SUV39H2: variants seen among roughly 807,000 people sequenced by gnomAD.
SUV39H2 encodes the protein histone-lysine N-methyltransferase SUV39H2.
Under a neutral mutation model 47.5 loss-of-function variants are expected in SUV39H2, and 10 were observed. The observed-to-expected ratio is 0.21, with a 90% CI of 0.13 to 0.36. The LOEUF (loss-of-function observed/expected upper bound fraction) is 0.36. Ranked by LOEUF, SUV39H2 falls within the 10% of genes least tolerant of loss-of-function variation. SUV39H2 has a pLI of 1.00. For synonymous variants in SUV39H2, 159 were observed against 166.8 expected (o/e 0.95, Z 0.36); for missense variants, 266 against 487.4 (o/e 0.55, Z 4.28).
At chr10:14,901,937 C>G (rs1365770357) in intron 5 of SUV39H2, among the ~76,000 whole-genome samples, 4 of 152,084 alleles carry the variant, frequency 2.6e-5, no homozygotes, top group Admixed American at 1.3e-4. Flanking sequence ...CTACTTGAAC[C>G]TGGCTTTTAA....
chr10:14,888,743 T>A (rs905968647), intron 2 of SUV39H2, among the ~76,000 whole-genome samples: 3 of 152,118 alleles, frequency 2.0e-5, no homozygotes, highest in African/African-American at 7.2e-5. Flanking sequence ...AAGAATCCAC[T>A]GTATTTAGTA....
rs1047073927 is a variant in SUV39H2 at position 14,894,357 on chromosome 10, T to G, written c.178-2489T>G. On this transcript the variant is annotated intron_variant, in intron 2 of 5. Coordinates refer to ENST00000354919, the MANE Select transcript of SUV39H2 (RefSeq NM_001193424.2). ...ACCAATTTTCAAAAGAAAGCAAAGT[T>G]TTTTTTTTTTTTTTTTTTTTTTTTT... 1.0e-4 allele frequency among the ~76,000 whole-genome samples: 6 copies of G among 57,810 alleles called. 1 individual carries two copies. The East Asian group carries it at 2.7e-3, about 26-fold the overall frequency. The allele number at this position is 57,810 out of a possible 152,430, so 37.9% of individuals were successfully genotyped here.
chr10:14,887,631 C>T (rs1833254778), intron 2 of SUV39H2, among the ~76,000 whole-genome samples: 1 of 152,172 alleles, frequency 6.6e-6, no homozygotes, highest in African/African-American at 2.4e-5. Context: ...ATGCAGTTTC[C>T]TGTTCATGAA....
intron 2 of SUV39H2, 101 bp downstream of exon 2, chr10:14,881,746 T>C: frequency 1.8e-6 from 2 of 1,091,422 alleles, no homozygotes; most frequent in South Asian, 5.7e-5. Context: ...CTCTTCTTAA[T>C]GTTTAAAATT....
chr10:14,896,970 T>C lies in SUV39H2; in HGVS notation c.302T>C (p.Leu101Ser). 1.9e-6 allele frequency: 3 copies of C among 1,614,096 alleles called. No homozygotes were observed. Among genetic ancestry groups the C allele is most frequent in the Non-Finnish European group, 2.5e-6 (3 of 1,180,012 alleles). Residue 101 changes from leucine (L) to serine (S), a missense_variant, in exon 3 of 6, where the codon TTA becomes TCA. By Grantham distance (145) the Leu-to-Ser change is moderately radical. Coordinates refer to ENST00000354919, the MANE Select transcript of SUV39H2 (RefSeq NM_001193424.2). ...TTCTCTAATGACAAGCATAATTATT[T>C]ATCTCAGGTAAAGAAAGGCAAAGCA... Reference protein sequence around the residue: ...QQFSNDKHNYLSQVKKGKAIT... With the variant: ...QQFSNDKHNYSSQVKKGKAIT...
At chr10:14,884,113 A>G (rs1417180584) in intron 2 of SUV39H2, among the ~76,000 whole-genome samples, 2 of 152,220 alleles carry the variant, frequency 1.3e-5, no homozygotes, top group African/African-American at 4.8e-5. Flanking sequence ...TTTTCGGACT[A>G]TTATAAATAA....
At chr10:14,899,354 TTTTCTTC>T in intron 3 of SUV39H2, 178 bp from the exon 4 acceptor site, 1 of 703,608 alleles carries the variant, frequency 1.4e-6, no homozygotes, top group Non-Finnish European at 2.5e-6. Flanking sequence ...GCATTATCAT[TTTTCTTC>T]CCCTCATTTT....
At chr10:14,899,905 A>G in intron 4 of SUV39H2, among the ~76,000 whole-genome samples, 1 of 152,334 alleles carries the variant, frequency 6.6e-6, no homozygotes, top group East Asian at 1.9e-4. Flanking sequence ...TGTATTTTAC[A>G]AGAGTCTTTA....
rs747574907 is a variant in SUV39H2, at chr10:14,901,218, C to T, written c.1082C>T (p.Thr361Ile). The change falls in exon 5 of 6, where the codon ACC becomes ATC. Residue 361 changes from threonine (T) to isoleucine (I), a missense_variant. Coordinates refer to ENST00000354919, the MANE Select transcript of SUV39H2 (RefSeq NM_001193424.2). ...CGAATAGCATTGTTTTCCACAAGAACCATAAATGCTGGAGAAGAGCTGACT... is the reference window on the plus strand; with the variant it reads ...CGAATAGCATTGTTTTCCACAAGAATCATAAATGCTGGAGAAGAGCTGACT... ...LPRIALFSTR[T>I]INAGEELTFD... The T allele has an allele frequency of 6.2e-7, 1 of 1,614,018 alleles. No individual in the cohort carries two copies. Among genetic ancestry groups the T allele is most frequent in the Admixed American group, 1.7e-5 (1 of 60,016 alleles).
intron 2 of SUV39H2, among the ~76,000 whole-genome samples, chr10:14,893,244 C>A (rs1833452655): frequency 6.6e-6 from 1 of 151,418 alleles, no homozygotes; most frequent in African/African-American, 2.4e-5. Context: ...ACCTCGTGAT[C>A]CGCCCGCCTC....
At chr10:14,897,715 T>G in intron 3 of SUV39H2, 198 bp downstream of exon 3, 1 of 391,824 alleles carries the variant, frequency 2.6e-6, no homozygotes, top group Non-Finnish European at 4.4e-6. Context: ...ATAAAAAATA[T>G]ACGTTAAAAC....
chr10:14,902,369 C>A, intron 5 of SUV39H2, 37 bp from the exon 6 acceptor site: 1 of 1,402,956 alleles, frequency 7.1e-7, no homozygotes, highest in Non-Finnish European at 9.8e-7. Flanking sequence ...ATTGTCTTAA[C>A]TCTCTTTCTC....
Position 14,897,081 on chromosome 10 carries a change from A to G in SUV39H2, c.413A>G (p.Gln138Arg). The change falls in exon 3 of 6, where the codon CAG (glutamine) becomes CGG (arginine). Residue 138 changes from glutamine to arginine, a missense_variant. Transcript: ENST00000354919. ...AAGGCTAAACAAAGGATAGCTCTGCAGAGATGGCAAGATGAACTCAACAGA... is the reference window on the plus strand; with the variant it reads ...AAGGCTAAACAAAGGATAGCTCTGCGGAGATGGCAAGATGAACTCAACAGA... ...VKKAKQRIAL[Q>R]RWQDELNRRK... The G allele has an allele frequency of 6.2e-7, 1 of 1,614,078 alleles. No individual in the cohort carries two copies. The highest frequency in any genetic ancestry group is 1.1e-5 in the South Asian group (1 of 91,088).
intron 5 of SUV39H2, 41 bp from the exon 6 acceptor site, chr10:14,902,365 T>TCTCTTTCTCCTATATTTC (rs1351949499): frequency 4.4e-6 from 6 of 1,375,198 alleles, no homozygotes; most frequent in Non-Finnish European, 5.0e-6. Context: ...CTAAATTGTC[T>TCTCTTTCTCCTATATTTC]TAACTCTCTT....
intron 1 of SUV39H2, chr10:14,880,051 G>T (rs943131032): frequency 3.3e-5 from 5 of 151,654 alleles, no homozygotes; most frequent in Admixed American, 3.3e-4. Context: ...TCCTTTATAC[G>T]TGATTCCCTT....
At chr10:14,880,376 C>T (rs1302652000) in intron 1 of SUV39H2, among the ~76,000 whole-genome samples, 1 of 152,126 alleles carries the variant, frequency 6.6e-6, no homozygotes, top group African/African-American at 2.4e-5. Context: ...CTGAAATTAC[C>T]TCAAAACGCA....
Position 14,878,884 on chromosome 10 carries a change from A to C in SUV39H2, c.-5A>C. 3 of 1,488,940 alleles carry C rather than the reference A, an allele frequency of 2.0e-6. No individual in the cohort carries two copies. The highest frequency in any genetic ancestry group is 1.8e-6 in the Non-Finnish European group (2 of 1,118,790). The allele number at this position is 1,488,940 out of a possible 1,614,324, so 92.2% of individuals were successfully genotyped here. On this transcript the variant is annotated 5_prime_UTR_variant, in exon 1 of 6. Coordinates refer to ENST00000354919, the MANE Select transcript of SUV39H2 (RefSeq NM_001193424.2). Reference sequence around the variant, plus strand: ...CCGCGCCAGTTTGAATGAAAGCTCTACAAGATGGCGGCGGTCGGGGCCGAG... The same window carrying C: ...CCGCGCCAGTTTGAATGAAAGCTCTCCAAGATGGCGGCGGTCGGGGCCGAG...
chr10:14,885,424 C>A (rs1588835955), intron 2 of SUV39H2, among the ~76,000 whole-genome samples: 1 of 152,178 alleles, frequency 6.6e-6, no homozygotes, highest in East Asian at 1.9e-4. Flanking sequence ...TATGTTATCT[C>A]TATCTCTCTG....
chr10:14,888,186 T>G (rs1323099216), intron 2 of SUV39H2, among the ~76,000 whole-genome samples: 1 of 152,114 alleles, frequency 6.6e-6, no homozygotes, highest in Non-Finnish European at 1.5e-5. Context: ...GTGCCCTGAA[T>G]GGGTTGAGGG....
Sources: gnomAD v4.1 joint callset for allele counts (sites outside exome capture counted in the v4.1 genomes callset) on GRCh38, gnomAD v4.1.1 for gene constraint, MANE v1.5 for transcripts, NCBI Gene and HGNC (gene_info 2026-07-23, HGNC 2026-07-21) for gene names.